LRRC4C: variants seen among roughly 807,000 people sequenced by gnomAD.
LRRC4C encodes leucine rich repeat containing 4C, also known as leucine-rich repeat-containing protein 4C.
A neutral mutation model predicts 33.6 loss-of-function variants in LRRC4C; 5 were observed. That is an observed-to-expected ratio of 0.15 (90% CI 0.08 to 0.31). The LOEUF is 0.31. Ranked by LOEUF, LRRC4C falls within the 10% of genes least tolerant of loss-of-function variation. LRRC4C has a pLI of 1.00. For synonymous variants in LRRC4C, 329 were observed against 302.0 expected (o/e 1.09, Z -0.93); for missense variants, 560 against 796.7 (o/e 0.70, Z 3.58).
At chr11:40,555,485 C>T (rs1221526505) in intron 3 of LRRC4C, among the ~76,000 whole-genome samples, 1 of 152,134 alleles carries the variant, frequency 6.6e-6, no homozygotes, top group Non-Finnish European at 1.5e-5. Flanking sequence ...TTTATATGAA[C>T]ATACCTTTTA....
At chr11:40,505,311 G>A (rs942001145) in intron 3 of LRRC4C, among the ~76,000 whole-genome samples, 1 of 152,150 alleles carries the variant, frequency 6.6e-6, no homozygotes, top group Non-Finnish European at 1.5e-5. Context: ...CTTACTTCCT[G>A]AAGTTGCCTT....
intron 4 of LRRC4C, among the ~76,000 whole-genome samples, chr11:40,258,996 C>T (rs1565196665): frequency 6.6e-6 from 1 of 152,174 alleles, no homozygotes; most frequent in Non-Finnish European, 1.5e-5. Flanking sequence ...CATGTATTAA[C>T]TTGTTTAATG....
intron 1 of LRRC4C, among the ~76,000 whole-genome samples, chr11:41,219,960 G>A (rs1480183439): frequency 6.6e-6 from 1 of 152,210 alleles, no homozygotes; most frequent in African/African-American, 2.4e-5. Flanking sequence ...GACAGAACAG[G>A]CATCATAGGG....
At chr11:40,579,854 G>C (rs12804842) in intron 3 of LRRC4C, among the ~76,000 whole-genome samples, 1 of 152,032 alleles carries the variant, frequency 6.6e-6, no homozygotes, top group African/African-American at 2.4e-5. Flanking sequence ...GCAGTGGCGC[G>C]ATCTTCGCTC....
At chr11:41,180,281 C>T (rs114712977) in intron 1 of LRRC4C, among the ~76,000 whole-genome samples, 32 of 152,242 alleles carry the variant, frequency 2.1e-4, no homozygotes, top group African/African-American at 7.7e-4. Context: ...TGCTGAGTAA[C>T]TTGGAGATAA....
chr11:41,187,437 T>C (rs1337008003), intron 1 of LRRC4C, among the ~76,000 whole-genome samples: 1 of 151,938 alleles, frequency 6.6e-6, no homozygotes, highest in Non-Finnish European at 1.5e-5. Context: ...AGACGTGGAG[T>C]TTGGCCAAGG....
intron 2 of LRRC4C, among the ~76,000 whole-genome samples, chr11:40,915,196 T>C (rs1047209083): frequency 6.6e-6 from 1 of 152,126 alleles, no homozygotes; most frequent in Non-Finnish European, 1.5e-5. Flanking sequence ...AAAAAACTAC[T>C]TTAAAGTTCA....
chr11:40,190,739 C>A (rs1445699687), intron 5 of LRRC4C, among the ~76,000 whole-genome samples: 1 of 152,074 alleles, frequency 6.6e-6, no homozygotes, highest in Admixed American at 6.5e-5. Flanking sequence ...GTAAGGATTT[C>A]TTGAATAAGC....
In LRRC4C at chr11:41,288,859, C is replaced by T. The variant is rs528042269; in HGVS notation, c.-496+170572G>A. Reference sequence around the variant, plus strand: ...TCATGGAAGCTTGCTTCCTCAAGGCCAGCAGGAGAGTGTCTTGCTGTTTTG... The same window carrying T: ...TCATGGAAGCTTGCTTCCTCAAGGCTAGCAGGAGAGTGTCTTGCTGTTTTG... On this transcript the variant is annotated intron_variant, in intron 1 of 6. Coordinates refer to ENST00000528697, the MANE Select transcript of LRRC4C (RefSeq NM_001258419.2). 1.1e-4 allele frequency among the ~76,000 whole-genome samples: 17 copies of T among 152,200 alleles called. No individual in the cohort carries two copies. The East Asian group carries it at 3.3e-3, about 29-fold the overall frequency.
At chr11:40,337,211 A>G (rs1946667908) in intron 3 of LRRC4C, among the ~76,000 whole-genome samples, 1 of 152,192 alleles carries the variant, frequency 6.6e-6, no homozygotes, top group African/African-American at 2.4e-5. Flanking sequence ...GAAAATCAGC[A>G]TGGGTTGGAA....
intron 1 of LRRC4C, among the ~76,000 whole-genome samples, chr11:41,247,941 T>G (rs916162756): frequency 6.6e-6 from 1 of 152,110 alleles, no homozygotes; most frequent in African/African-American, 2.4e-5. Flanking sequence ...TTTGGACTCT[T>G]GATGCCAAAC....
chr11:41,249,180 AC>A (rs1186935609), intron 1 of LRRC4C, among the ~76,000 whole-genome samples: 1 of 151,854 alleles, frequency 6.6e-6, no homozygotes, highest in African/African-American at 2.4e-5. Flanking sequence ...GACTACAGGC[AC>A]CTGCCACCAC....
At chr11:40,662,951 C>G (rs1340521795) in intron 2 of LRRC4C, among the ~76,000 whole-genome samples, 1 of 152,156 alleles carries the variant, frequency 6.6e-6, no homozygotes, top group Admixed American at 6.5e-5. Context: ...TAGAAATCAT[C>G]ATAATAATGT....
chr11:40,708,270 G>A (rs531914594), intron 2 of LRRC4C, among the ~76,000 whole-genome samples: 113 of 152,082 alleles, frequency 7.4e-4, no homozygotes, highest in African/African-American at 2.6e-3. Flanking sequence ...GAATGTGTTT[G>A]CTCTTGCTTC....
rs767856422 is a variant in LRRC4C at position 40,686,065 on chromosome 11, T to C, written c.-406-37787A>G. On this transcript the variant is annotated intron_variant, in intron 2 of 6. Transcript: ENST00000528697. ...CACAGCACTTTTTTCAACCTCATCA[T>C]ATACTCTACAATAACCTTGCAGAAA... Among the ~76,000 whole-genome samples, 9 of 152,038 alleles carry C rather than the reference T, an allele frequency of 5.9e-5. No individual in the cohort carries two copies. In the Middle Eastern group the frequency reaches 9.5e-3, roughly 160 times the overall value.
At chr11:41,330,597 G>T (rs1028804798) in intron 1 of LRRC4C, among the ~76,000 whole-genome samples, 1 of 151,936 alleles carries the variant, frequency 6.6e-6, no homozygotes, top group Non-Finnish European at 1.5e-5. Context: ...TTGAGACAGG[G>T]TCTCCCAGTC....
At chr11:40,370,440 G>A (rs1370293796) in intron 3 of LRRC4C, among the ~76,000 whole-genome samples, 2 of 152,184 alleles carry the variant, frequency 1.3e-5, no homozygotes, top group Non-Finnish European at 2.9e-5. Context: ...ACCATCAGAA[G>A]TTAGATTCAC....
chr11:41,152,682 A>G (rs1944051924), intron 1 of LRRC4C, among the ~76,000 whole-genome samples: 1 of 152,216 alleles, frequency 6.6e-6, no homozygotes, highest in African/African-American at 2.4e-5. Flanking sequence ...AGAAAGTTCC[A>G]TAATTTAACC....
chr11:41,330,187 A>G (rs772627263), intron 1 of LRRC4C, among the ~76,000 whole-genome samples: 2 of 152,150 alleles, frequency 1.3e-5, no homozygotes, highest in Non-Finnish European at 2.9e-5. Flanking sequence ...TAGAGGGAAG[A>G]GCTTCTTACT....
Sources: gnomAD v4.1 joint callset for allele counts (sites outside exome capture counted in the v4.1 genomes callset) on GRCh38, gnomAD v4.1.1 for gene constraint, MANE v1.5 for transcripts, NCBI Gene and HGNC (gene_info 2026-07-23, HGNC 2026-07-21) for gene names.